The following PCDH15 variants were observed in gnomAD, a reference collection of about 807,000 sequenced individuals.
The protein encoded by PCDH15 is protocadherin-15.
PCDH15 carries 129 observed loss-of-function variants against 178.5 expected under a neutral mutation model. The ratio of observed to expected loss-of-function variants is 0.72; its 90% CI spans 0.63 to 0.84. PCDH15 has a LOEUF of 0.84. Among genes scored for constraint, PCDH15 ranks in the 40% least tolerant of loss-of-function variants. PCDH15 has a pLI of 0.00. For missense variants in PCDH15, 2,230 were observed against 2,099.9 expected, an observed-to-expected ratio of 1.06 and a Z score of -1.21; for synonymous variants, 800 against 732.0, an observed-to-expected ratio of 1.09 and a Z score of -1.50.
At chr10:54,853,289 G>GTGTGTATATA (rs1249570811) in intron 3 of PCDH15, among the ~76,000 whole-genome samples, 4 of 102,576 alleles carry the variant, frequency 3.9e-5, no homozygotes, top group Non-Finnish European at 7.5e-5. Context: ...ATGTATGTGT[G>GTGTGTATATA]TATATATATA....
intron 1 of PCDH15, among the ~76,000 whole-genome samples, chr10:54,771,034 T>A (rs1346249216): frequency 6.6e-6 from 1 of 152,118 alleles, no homozygotes; most frequent in Non-Finnish European, 1.5e-5. Context: ...GTTCTTGATA[T>A]TCTGAAATGC....
intron 3 of PCDH15, among the ~76,000 whole-genome samples, chr10:54,392,402 G>A (rs1160185854): frequency 2.4e-5 from 3 of 123,320 alleles, no homozygotes; most frequent in Non-Finnish European, 1.6e-5. Flanking sequence ...GGAGGACTAT[G>A]TTGCAGTCAG....
chr10:54,797,586 CAATT>C (rs934871014), intron 1 of PCDH15, among the ~76,000 whole-genome samples: 5 of 150,004 alleles, frequency 3.3e-5, no homozygotes, highest in African/African-American at 9.8e-5. Context: ...AAGATTAAAA[CAATT>C]AATTGTATTT....
At chr10:55,377,138 T>C (rs1837412003) in intron 2 of PCDH15, among the ~76,000 whole-genome samples, 1 of 148,460 alleles carries the variant, frequency 6.7e-6, no homozygotes, top group South Asian at 2.1e-4. Context: ...TGATAACTCT[T>C]TCTTCACTAA....
chr10:54,426,633 G>A (rs995665), intron 3 of PCDH15, among the ~76,000 whole-genome samples: 27,550 of 151,990 alleles, frequency 0.18, 2,838 homozygotes, highest in African/African-American at 0.28. Context: ...TGTTTGTCTC[G>A]ACTCAAGTCT....
intron 2 of PCDH15, among the ~76,000 whole-genome samples, chr10:55,091,043 T>C (rs1374327679): frequency 6.6e-6 from 1 of 152,016 alleles, no homozygotes; most frequent in Non-Finnish European, 1.5e-5. Flanking sequence ...TTTTTTCTAC[T>C]ATTGTTTCAT....
chr10:55,124,243 A>G (rs981914240), intron 2 of PCDH15, among the ~76,000 whole-genome samples: 1 of 152,280 alleles, frequency 6.6e-6, no homozygotes, highest in African/African-American at 2.4e-5. Context: ...AGCAGTTTTA[A>G]TAAAGGCACA....
At chr10:54,891,043 C>G (rs904663933) in intron 3 of PCDH15, among the ~76,000 whole-genome samples, 5 of 152,036 alleles carry the variant, frequency 3.3e-5, no homozygotes, top group Non-Finnish European at 5.9e-5. Flanking sequence ...AACATTATCT[C>G]ATGTTGGAAA....
intron 8 of PCDH15, among the ~76,000 whole-genome samples, chr10:54,293,108 C>A (rs141761582): frequency 6.6e-6 from 1 of 151,936 alleles, no homozygotes. Context: ...GGTACTGGTA[C>A]AAAAACAGAT....
chr10:55,379,522 AT>A (rs1281361553), intron 2 of PCDH15, among the ~76,000 whole-genome samples: 1 of 152,086 alleles, frequency 6.6e-6, no homozygotes, highest in Admixed American at 6.6e-5. Flanking sequence ...ACGAATATCA[AT>A]ATATCTATTC....
chr10:55,001,680 T>G (rs1408926863), intron 2 of PCDH15, among the ~76,000 whole-genome samples: 1 of 152,142 alleles, frequency 6.6e-6, no homozygotes, highest in Non-Finnish European at 1.5e-5. Flanking sequence ...CACTGATCCC[T>G]GCCTGGCTCA....
intron 3 of PCDH15, among the ~76,000 whole-genome samples, chr10:54,487,084 G>C (rs1057165935): frequency 6.6e-6 from 1 of 151,938 alleles, no homozygotes; most frequent in Non-Finnish European, 1.5e-5. Flanking sequence ...AAGAAGCTAA[G>C]CCATATAATA....
intron 1 of PCDH15, among the ~76,000 whole-genome samples, chr10:54,716,872 A>G (rs1470616194): frequency 6.7e-6 from 1 of 148,260 alleles, no homozygotes; most frequent in Non-Finnish European, 1.5e-5. Flanking sequence ...CTACAAGGCT[A>G]CAGTAACCAA....
At chr10:54,376,013 G>A (rs1210748279) in intron 4 of PCDH15, among the ~76,000 whole-genome samples, 1 of 151,428 alleles carries the variant, frequency 6.6e-6, no homozygotes, top group Non-Finnish European at 1.5e-5. Context: ...TTCTGCCTCA[G>A]CCTCTACAGT....
intron 2 of PCDH15, among the ~76,000 whole-genome samples, chr10:55,626,159 GAATA>G (rs751870281): frequency 2.5e-4 from 38 of 151,142 alleles, no homozygotes; most frequent in Admixed American, 5.9e-4. Flanking sequence ...GAGAGAGAGA[GAATA>G]AATAAATAAA....
chr10:54,696,335 A>G (rs1411337128), intron 1 of PCDH15, among the ~76,000 whole-genome samples: 1 of 152,126 alleles, frequency 6.6e-6, no homozygotes, highest in Non-Finnish European at 1.5e-5. Context: ...GAATTGCTGC[A>G]ATCTCATGAT....
chr10:54,792,069 G>A (rs1417628253), intron 1 of PCDH15, among the ~76,000 whole-genome samples: 1 of 151,898 alleles, frequency 6.6e-6, no homozygotes, highest in Non-Finnish European at 1.5e-5. Context: ...ACATGGCAGT[G>A]AGCCCTCTGG....
chr10:54,312,728 C>T (rs1303494031), intron 8 of PCDH15, among the ~76,000 whole-genome samples: 2 of 152,036 alleles, frequency 1.3e-5, no homozygotes, highest in East Asian at 1.9e-4. Context: ...TGGCACCCAG[C>T]CCTCAGTTAA....
At chr10:54,514,796 A>G (rs1468680483) in intron 3 of PCDH15, among the ~76,000 whole-genome samples, 3 of 152,198 alleles carry the variant, frequency 2.0e-5, no homozygotes, top group Admixed American at 6.5e-5. Flanking sequence ...ACTTAGCAAA[A>G]CTTTCATACT....
Sources: gnomAD v4.1 joint callset for allele counts (sites outside exome capture counted in the v4.1 genomes callset) on GRCh38, gnomAD v4.1.1 for gene constraint, MANE v1.5 for transcripts, NCBI Gene and HGNC (gene_info 2026-07-23, HGNC 2026-07-21) for gene names.